Variants in CTBP2 observed in about 807,000 individuals in gnomAD.
CTBP2 encodes C-terminal-binding protein 2.
CTBP2 carries 30 observed loss-of-function variants against 80.3 expected under a neutral mutation model. The observed-to-expected ratio is 0.37, with a 90% CI of 0.28 to 0.51. CTBP2 has a LOEUF of 0.51. Ranked by LOEUF, CTBP2 falls within the 20% of genes least tolerant of loss-of-function variation. CTBP2 has a pLI of 0.93. For synonymous variants in CTBP2, 594 were observed against 587.4 expected, an observed-to-expected ratio of 1.01 and a Z score of -0.16; for missense variants, 1,212 against 1,375.3, an observed-to-expected ratio of 0.88 and a Z score of 1.88.
intron 2 of CTBP2, among the ~76,000 whole-genome samples, chr10:125,089,281 A>G (rs1402730523): frequency 6.6e-6 from 1 of 152,246 alleles, no homozygotes; most frequent in Non-Finnish European, 1.5e-5. Context: ...TTGTTTTTCA[A>G]CATCTGGAGA....
At chr10:125,049,092 C>CACACACACACA (rs1255245867) in intron 2 of CTBP2, among the ~76,000 whole-genome samples, 1 of 144,046 alleles carries the variant, frequency 6.9e-6, no homozygotes, top group East Asian at 2.2e-4. Flanking sequence ...CACACACACA[C>CACACACACACA]GTCCACCTGA....
chr10:125,025,286 A>G (rs1028902035), intron 1 of CTBP2, among the ~76,000 whole-genome samples: 4 of 152,228 alleles, frequency 2.6e-5, no homozygotes, highest in African/African-American at 9.6e-5. Flanking sequence ...TTAAAATAAA[A>G]ATTGTAAATG....
intron 3 of CTBP2, among the ~76,000 whole-genome samples, chr10:125,033,505 C>G (rs1958488039): frequency 6.6e-6 from 1 of 152,192 alleles, no homozygotes; most frequent in Non-Finnish European, 1.5e-5. Context: ...AAGAAGCCGG[C>G]AGCAAAATGT....
At chr10:125,071,871 A>C (rs1401306521) in intron 2 of CTBP2, among the ~76,000 whole-genome samples, 1 of 152,084 alleles carries the variant, frequency 6.6e-6, no homozygotes, top group Non-Finnish European at 1.5e-5. Flanking sequence ...GGATGCAAGC[A>C]GGAAACGGAA....
At chr10:125,001,011 C>T (rs1283792006) in intron 3 of CTBP2, 2 of 152,282 alleles carry the variant, frequency 1.3e-5, no homozygotes, top group Non-Finnish European at 2.9e-5. Context: ...AGCCCTTCTA[C>T]ATTTTCCAAA....
At chr10:125,067,616 C>T (rs1844844026) in intron 2 of CTBP2, among the ~76,000 whole-genome samples, 1 of 152,158 alleles carries the variant, frequency 6.6e-6, no homozygotes, top group African/African-American at 2.4e-5. Context: ...CATCTCAAAA[C>T]CCAGGCAAAG....
At chr10:125,136,709 A>G (rs1362202076) in intron 1 of CTBP2, among the ~76,000 whole-genome samples, 1 of 152,210 alleles carries the variant, frequency 6.6e-6, no homozygotes, top group African/African-American at 2.4e-5. Flanking sequence ...TCTATCTTCA[A>G]CATGCACCTA....
intron 2 of CTBP2, among the ~76,000 whole-genome samples, chr10:125,076,024 T>G (rs1846221987): frequency 2.0e-5 from 3 of 152,296 alleles, no homozygotes; most frequent in Admixed American, 2.0e-4. Flanking sequence ...AAATCCCAAA[T>G]GACCACGCAC....
At position 125,026,428 on chromosome 10, in the gene CTBP2, A is replaced by C; in HGVS notation, c.1332T>G (p.Pro444=). The C allele has an allele frequency of 6.2e-7, 1 of 1,602,800 alleles. No individual in the cohort carries two copies. The highest frequency in any genetic ancestry group is 8.5e-7 in the Non-Finnish European group (1 of 1,171,956). ...GGCTCAGACGCGCTGTCAGGGCGCA[A>C]GGGGTGGGAGAGCTGTACCCGGAGT... The change falls in exon 1 of 9, where the codon CCT becomes CCG. Residue 444 remains proline, a synonymous_variant. Coordinates refer to ENST00000309035, the MANE Select transcript of CTBP2 (RefSeq NM_022802.3).
At chr10:125,029,982 G>C (rs1332765147), upstream of CTBP2, among the ~76,000 whole-genome samples, 1 of 152,142 alleles carries the variant, frequency 6.6e-6, no homozygotes, top group East Asian at 1.9e-4. Flanking sequence ...AGGAGGCCCA[G>C]CTTCCATTTC....
intron 1 of CTBP2, among the ~76,000 whole-genome samples, chr10:125,132,960 C>T (rs942296559): frequency 5.9e-5 from 9 of 152,172 alleles, no homozygotes; most frequent in African/African-American, 2.2e-4. Context: ...AAGATGAAGT[C>T]TTTTTTGACA....
chr10:125,069,675 T>C (rs993604101), intron 2 of CTBP2, among the ~76,000 whole-genome samples: 2 of 152,124 alleles, frequency 1.3e-5, no homozygotes, highest in Non-Finnish European at 2.9e-5. Flanking sequence ...ACAAGCTTGT[T>C]TTCCAATATT....
intron 1 of CTBP2, among the ~76,000 whole-genome samples, chr10:125,145,349 G>A (rs1457721933): frequency 7.9e-5 from 12 of 151,932 alleles, no homozygotes; most frequent in African/African-American, 2.9e-4. Context: ...GGTGCCTTGG[G>A]GACGCCCCTG....
At chr10:125,005,012 GACC>G (rs1955041450) in intron 1 of CTBP2, among the ~76,000 whole-genome samples, 1 of 152,180 alleles carries the variant, frequency 6.6e-6, no homozygotes, top group Admixed American at 6.5e-5. Context: ...GCTCCTGCTG[GACC>G]ACCAAGGCTC....
intron 2 of CTBP2, among the ~76,000 whole-genome samples, chr10:125,055,571 C>T (rs1963705531): frequency 6.6e-6 from 1 of 152,160 alleles, no homozygotes; most frequent in African/African-American, 2.4e-5. Flanking sequence ...AGCAGCACTG[C>T]AGAGGCTTGT....
rs3213906 is a variant in CTBP2 at position 124,992,726 on chromosome 10, T to C, written c.2746A>G (p.Ile916Val). 1.1e-5 allele frequency: 18 copies of C among 1,608,374 alleles called. No homozygotes were observed. The East Asian group carries it at 3.8e-4, about 34-fold the overall frequency. The change falls in exon 8 of 9, where the codon ATT (isoleucine) becomes GTT (valine). Residue 916 changes from isoleucine to valine, a missense_variant. Physicochemically the swap from Ile to Val is conservative, Grantham distance 29. Transcript: ENST00000309035. ...GTGGCACCATTGAGCTCAGGATGAA[T>C]TGCTTGCTGGTCTATTACTGACCAA...
chr10:125,079,407 G>A (rs891505278), intron 2 of CTBP2, among the ~76,000 whole-genome samples: 17 of 152,138 alleles, frequency 1.1e-4, no homozygotes, highest in African/African-American at 2.4e-4. Flanking sequence ...TCATCTGCCC[G>A]GTTGGATCTC....
intron 1 of CTBP2, among the ~76,000 whole-genome samples, chr10:125,126,798 T>TCACATCTTCCACATA (rs1855338788): frequency 6.6e-6 from 1 of 152,166 alleles, no homozygotes; most frequent in Non-Finnish European, 1.5e-5. Flanking sequence ...CACACCACAT[T>TCACATCTTCCACATA]CACATCTTCC....
chr10:125,080,649 G>A (rs966532709), intron 2 of CTBP2, among the ~76,000 whole-genome samples: 9 of 152,184 alleles, frequency 5.9e-5, no homozygotes, highest in African/African-American at 1.9e-4. Flanking sequence ...AAATAGTCAC[G>A]CAAGAAATCC....
Sources: allele counts gnomAD v4.1 joint callset (sites outside exome capture counted in the v4.1 genomes callset), GRCh38; gene constraint gnomAD v4.1.1; transcripts MANE v1.5; gene names NCBI Gene and HGNC (gene_info 2026-07-23, HGNC 2026-07-21).